PPP5C: variants seen among roughly 807,000 people sequenced by gnomAD.
The protein encoded by PPP5C is serine/threonine-protein phosphatase 5.
Under a neutral mutation model 66.7 loss-of-function variants are expected in PPP5C, and 21 were observed. The observed-to-expected ratio is 0.31, with a 90% CI of 0.22 to 0.45. PPP5C has a LOEUF of 0.45. Ranked by LOEUF, PPP5C falls within the 20% of genes least tolerant of loss-of-function variation. The pLI, the probability that PPP5C is intolerant of heterozygous loss-of-function variation, is 1.00. For synonymous variants in PPP5C, 246 were observed against 257.4 expected, an observed-to-expected ratio of 0.96 and a Z score of 0.43; for missense variants, 464 against 675.9, an observed-to-expected ratio of 0.69 and a Z score of 3.48.
At chr19:46,354,096 AGCCAGCCAGCAAGT>A (rs1177573282) in intron 2 of PPP5C, 107 bp downstream of exon 2, 1 of 1,458,504 alleles carries the variant, frequency 6.9e-7, no homozygotes, top group East Asian at 2.5e-5. Context: ...CTTACCACTC[AGCCAGCCAGCAAGT>A]GCCTGTGGGG....
chr19:46,383,942 ACAG>A lies in PPP5C; in HGVS notation c.798+65_798+67del. 1.5e-6 allele frequency: 2 copies of A among 1,347,498 alleles called. No individual in the cohort carries two copies. The highest frequency in any genetic ancestry group is 2.4e-5 in the South Asian group (2 of 84,664). 83.5% of individuals were successfully genotyped at this position (1,347,498 alleles called of 1,614,324 possible). A position where few individuals can be genotyped will look rare whatever the true frequency, so the allele number is the denominator to read the frequency against. ...CCCCCAGCCGCAGCCTCAGGTCTGCACAGAGTGGGAGGAGCCCTTGCCAGGAAA... is the reference window on the plus strand; with the variant it reads ...CCCCCAGCCGCAGCCTCAGGTCTGCAAGTGGGAGGAGCCCTTGCCAGGAAA... On this transcript the variant is annotated intron_variant, in intron 6 of 12. Coordinates refer to ENST00000012443, the MANE Select transcript of PPP5C (RefSeq NM_006247.4). The surrounding 1 kb of genome is among the most constrained non-coding windows in gnomAD (Gnocchi z 5.0).
At chr19:46,352,488 G>A (rs111227373) in intron 1 of PPP5C, among the ~76,000 whole-genome samples, 2 of 152,166 alleles carry the variant, frequency 1.3e-5, no homozygotes, top group African/African-American at 4.8e-5. Context: ...GGCATGGGGC[G>A]TGAGAGTGGG....
intron 4 of PPP5C, among the ~76,000 whole-genome samples, chr19:46,381,276 C>G (rs1972786345): frequency 2.6e-5 from 4 of 152,092 alleles, no homozygotes; most frequent in Admixed American, 2.6e-4. Context: ...CCACCAAGTC[C>G]TTTCACACAT....
chr19:46,374,137 C>G (rs903037314), intron 2 of PPP5C, among the ~76,000 whole-genome samples: 10 of 152,180 alleles, frequency 6.6e-5, no homozygotes, highest in African/African-American at 2.4e-4. Context: ...AGCTGCCTGG[C>G]AGGGTGCCCT....
chr19:46,373,970 G>C (rs1327062438), intron 2 of PPP5C, among the ~76,000 whole-genome samples: 1 of 152,172 alleles, frequency 6.6e-6, no homozygotes, highest in African/African-American at 2.4e-5. Flanking sequence ...TGGCTGGGAG[G>C]TATAGAGGGG....
At chr19:46,384,694 T>C (rs1972852049) in intron 6 of PPP5C, 110 bp from the exon 7 acceptor site, 2 of 800,582 alleles carry the variant, frequency 2.5e-6, no homozygotes, top group African/African-American at 3.4e-5. Context: ...GACAGGAGGC[T>C]TGAGGCCAGG....
At chr19:46,358,264 T>C (rs1972321737) in intron 2 of PPP5C, among the ~76,000 whole-genome samples, 1 of 152,228 alleles carries the variant, frequency 6.6e-6, no homozygotes, top group African/African-American at 2.4e-5. Context: ...AGTTTGTTAC[T>C]AGAACTCCAT....
At chr19:46,361,589 TAAA>T (rs935838226) in intron 2 of PPP5C, among the ~76,000 whole-genome samples, 10 of 85,286 alleles carry the variant, frequency 1.2e-4, no homozygotes, top group African/African-American at 3.3e-4. Context: ...TACTAAAAAT[TAAA>T]AAAAAAAAAA....
chr19:46,357,830 T>C (rs566922302), intron 2 of PPP5C, among the ~76,000 whole-genome samples: 22 of 152,238 alleles, frequency 1.4e-4, no homozygotes, highest in Non-Finnish European at 3.2e-4. Context: ...GGAACCTCCA[T>C]GTGTTCAGCT....
In PPP5C at chr19:46,388,400, C is replaced by T; in HGVS notation, c.1136-8C>T. The T allele has an allele frequency of 6.2e-7, 1 of 1,609,074 alleles. No individual in the cohort carries two copies. Among genetic ancestry groups the T allele is most frequent in the Non-Finnish European group, 8.5e-7 (1 of 1,176,484 alleles). ...CGAGTCCCTAATGTTTCCCTCGCTC[C>T]CCACCAGGGCCCATGTGTGACCTGC... is the stretch of plus-strand genomic sequence containing the variant. On this transcript the variant is annotated splice_region_variant and splice_polypyrimidine_tract_variant and intron_variant, in intron 9 of 12. Transcript: ENST00000012443. This position sits in a 1 kb window ranked among gnomAD's most constrained non-coding sequence, Gnocchi z 4.9.
intron 4 of PPP5C, among the ~76,000 whole-genome samples, chr19:46,378,570 G>A (rs1601437466): frequency 6.6e-6 from 1 of 152,236 alleles, no homozygotes; most frequent in East Asian, 1.9e-4. Flanking sequence ...GACTATACTT[G>A]TAGATTTGCC....
At chr19:46,385,915 G>T (rs995485856) in intron 7 of PPP5C, among the ~76,000 whole-genome samples, 1 of 151,030 alleles carries the variant, frequency 6.6e-6, no homozygotes, top group African/African-American at 2.4e-5. Context: ...CTGCACTCCA[G>T]CGTGGGCAAC....
intron 2 of PPP5C, among the ~76,000 whole-genome samples, chr19:46,362,522 A>C (rs899205579): frequency 6.6e-6 from 1 of 152,166 alleles, no homozygotes; most frequent in African/African-American, 2.4e-5. Context: ...TTAAGTAGGC[A>C]TATTATAAAA....
intron 2 of PPP5C, among the ~76,000 whole-genome samples, chr19:46,359,684 C>T (rs914568359): frequency 6.6e-6 from 1 of 151,632 alleles, no homozygotes; most frequent in Non-Finnish European, 1.5e-5. Context: ...TAGTGTTATA[C>T]TTTATTTGCA....
At chr19:46,356,041 C>T (rs1426204842) in intron 2 of PPP5C, among the ~76,000 whole-genome samples, 2 of 152,046 alleles carry the variant, frequency 1.3e-5, no homozygotes, top group African/African-American at 4.8e-5. Flanking sequence ...AGGGCCCAAC[C>T]CCGCATACTC....
intron 2 of PPP5C, among the ~76,000 whole-genome samples, chr19:46,355,378 C>A (rs892579864): frequency 1.3e-5 from 2 of 149,970 alleles, no homozygotes; most frequent in African/African-American, 4.9e-5. Flanking sequence ...CTGGGAGCCG[C>A]GAGTCTGCAG....
intron 2 of PPP5C, among the ~76,000 whole-genome samples, chr19:46,361,868 C>T (rs925703906): frequency 4.6e-5 from 7 of 152,002 alleles, no homozygotes; most frequent in Admixed American, 1.3e-4. Flanking sequence ...TTAATAAAAC[C>T]TTATAAACAA....
chr19:46,389,428 C>T (rs1568579950), intron 11 of PPP5C, among the ~76,000 whole-genome samples: 4 of 98,154 alleles, frequency 4.1e-5, no homozygotes, highest in Non-Finnish European at 8.1e-5. Context: ...CACACACACA[C>T]ACACACACAC....
At chr19:46,354,123 T>A in intron 2 of PPP5C, 134 bp downstream of exon 2, 4 of 1,336,658 alleles carry the variant, frequency 3.0e-6, no homozygotes, top group Non-Finnish European at 4.0e-6. Context: ...CTGTGGGGCC[T>A]TGGGCCCAGG....
Sources: gnomAD v4.1 joint callset for allele counts (sites outside exome capture counted in the v4.1 genomes callset) on GRCh38, gnomAD v4.1.1 for gene constraint, Gnocchi (gnomAD v3.1) non-coding constraint, MANE v1.5 for transcripts, NCBI Gene and HGNC (gene_info 2026-07-23, HGNC 2026-07-21) for gene names.